N4BP2L2: variants seen among roughly 807,000 people sequenced by gnomAD.
N4BP2L2 encodes the protein NEDD4-binding protein 2-like 2.
A neutral mutation model predicts 56.2 loss-of-function variants in N4BP2L2; 50 were observed. The ratio of observed to expected loss-of-function variants is 0.89; its 90% CI spans 0.71 to 1.13. The LOEUF is 1.13. N4BP2L2 is among the 50% of genes most tolerant of loss of function. The pLI is 0.00. For synonymous variants in N4BP2L2, 203 were observed against 223.6 expected (o/e 0.91, Z 0.82); for missense variants, 689 against 693.8 (o/e 0.99, Z 0.08).
intron 2 of N4BP2L2, among the ~76,000 whole-genome samples, chr13:32,532,016 G>A (rs2054955941): frequency 6.6e-6 from 1 of 152,240 alleles, no homozygotes; most frequent in South Asian, 2.1e-4. Flanking sequence ...ACCCTTCTCT[G>A]ACTAATTCCT....
intron 6 of N4BP2L2, among the ~76,000 whole-genome samples, chr13:32,494,806 A>G (rs2088147245): frequency 6.6e-6 from 1 of 152,032 alleles, no homozygotes; most frequent in Non-Finnish European, 1.5e-5. Context: ...ATTTTTCCAT[A>G]ACTTTCCCAA....
At chr13:32,536,081 C>T in exon 2 of N4BP2L2, 1 of 1,613,746 alleles carries the variant, frequency 6.2e-7, no homozygotes, top group Non-Finnish European at 8.5e-7. Flanking sequence ...TACATAATAT[C>T]CATTTTGTAT....
chr13:32,462,887 A>T (rs9595565), intron 6 of N4BP2L2, among the ~76,000 whole-genome samples: 2,302 of 148,252 alleles, frequency 0.016, 66 homozygotes, highest in African/African-American at 0.054. Context: ...AAAAAAAAAA[A>T]AAAAAATTAG....
chr13:32,452,867 C>G (rs920379746), intron 6 of N4BP2L2, among the ~76,000 whole-genome samples: 1 of 152,080 alleles, frequency 6.6e-6, no homozygotes, highest in Non-Finnish European at 1.5e-5. Flanking sequence ...CAGTTCCATT[C>G]AACATTGTAT....
At position 32,474,549 on chromosome 13, in the gene N4BP2L2, C is replaced by T. The variant is rs560385818; in HGVS notation, c.366-30423G>A. Among the ~76,000 whole-genome samples the T allele has an allele frequency of 4.0e-5, 6 of 150,390 alleles. No individual in the cohort carries two copies. The South Asian group carries it at 1.3e-3, about 31-fold the overall frequency. On this transcript the variant is annotated intron_variant, in intron 6 of 9. Transcript: ENST00000357505. Reference sequence around the variant, plus strand: ...TACTAAAAAAAAAAAAAAAAATTAGCCGGGCATGGTGGCATGTGCTTGTAA... The same window carrying T: ...TACTAAAAAAAAAAAAAAAAATTAGTCGGGCATGGTGGCATGTGCTTGTAA...
chr13:32,444,091 C>A, exon 7 of N4BP2L2: 1 of 1,563,884 alleles, frequency 6.4e-7, no homozygotes, highest in Non-Finnish European at 8.7e-7. Flanking sequence ...TTTGGTTTTG[C>A]TGAGCCTATG....
intron 6 of N4BP2L2, among the ~76,000 whole-genome samples, chr13:32,460,000 A>T (rs2079729999): frequency 6.6e-6 from 1 of 152,352 alleles, no homozygotes; most frequent in Middle Eastern, 3.4e-3. Context: ...ACACGGTTCA[A>T]CATACACAAA....
chr13:32,461,864 T>C (rs748570621), intron 6 of N4BP2L2, among the ~76,000 whole-genome samples: 2 of 152,166 alleles, frequency 1.3e-5, no homozygotes, highest in Non-Finnish European at 2.9e-5. Context: ...GGCCTCCCAA[T>C]GTGCTGCCAT....
intron 6 of N4BP2L2, among the ~76,000 whole-genome samples, chr13:32,486,651 G>C (rs956682840): frequency 6.6e-6 from 1 of 151,534 alleles, no homozygotes; most frequent in African/African-American, 2.4e-5. Flanking sequence ...ACTCCAACCT[G>C]GGCAACAGAG....
At chr13:32,492,346 G>A (rs899898895) in intron 6 of N4BP2L2, among the ~76,000 whole-genome samples, 20 of 138,912 alleles carry the variant, frequency 1.4e-4, no homozygotes, top group Non-Finnish European at 3.0e-5. Context: ...GCGGTGGCGC[G>A]ATCTCTGCTC....
At chr13:32,459,517 G>A (rs554420833) in intron 6 of N4BP2L2, among the ~76,000 whole-genome samples, 4 of 152,100 alleles carry the variant, frequency 2.6e-5, no homozygotes, top group Admixed American at 2.6e-4. Flanking sequence ...TAACAAAGTA[G>A]AAATTCCATA....
chr13:32,460,903 A>G (rs969388962), intron 6 of N4BP2L2, among the ~76,000 whole-genome samples: 28 of 152,206 alleles, frequency 1.8e-4, no homozygotes, highest in Non-Finnish European at 2.6e-4. Flanking sequence ...TGATATTGGT[A>G]TAAAAATAGA....
chr13:32,534,473 C>T (rs1290076570), intron 2 of N4BP2L2, among the ~76,000 whole-genome samples: 2 of 152,122 alleles, frequency 1.3e-5, no homozygotes, highest in African/African-American at 4.8e-5. Context: ...GATGGTATAT[C>T]CCAAATCTAG....
At position 32,520,425 on chromosome 13, in the gene N4BP2L2, A is replaced by G. The variant is rs937073244; in HGVS notation, c.1550+948T>C. ...ATCCCAGCACTCTGGGAGGCCGAGC[A>G]AGGTGGGCAGATCACGAGGTCAGGA... On this transcript the variant is annotated intron_variant, in intron 5 of 5. Transcript: ENST00000267068. Among the ~76,000 whole-genome samples the G allele has an allele frequency of 3.3e-5, 5 of 151,862 alleles. No individual in the cohort carries two copies. In the East Asian group the frequency reaches 7.7e-4, roughly 24 times the overall value.
rs2077858557 is a variant in N4BP2L2 at position 32,450,829 on chromosome 13, T to C, written c.366-6703A>G. On this transcript the variant is annotated intron_variant, in intron 6 of 9. Transcript: ENST00000357505. ...CCTTCCTTTCCTTCCCTTCTTTCCC[T>C]TGTTTCCCTTCCTTCCCTCCCTCCC... Among the ~76,000 whole-genome samples the C allele has an allele frequency of 2.0e-5, 3 of 151,192 alleles. No homozygotes were observed. In the South Asian group the frequency reaches 6.3e-4, roughly 32 times the overall value.
exon 7 of N4BP2L2, chr13:32,444,034 C>A (rs753859124): frequency 1.9e-6 from 3 of 1,606,214 alleles, no homozygotes; most frequent in Middle Eastern, 3.3e-4. Flanking sequence ...CTCCATGATT[C>A]TATTCTGACT....
At chr13:32,529,176 T>C (rs1282339289) in intron 2 of N4BP2L2, among the ~76,000 whole-genome samples, 1 of 152,242 alleles carries the variant, frequency 6.6e-6, no homozygotes, top group Non-Finnish European at 1.5e-5. Flanking sequence ...AATCAACAAA[T>C]ATGGAGGGCC....
chr13:32,486,693 A>G (rs964409367), intron 6 of N4BP2L2, among the ~76,000 whole-genome samples: 6 of 150,728 alleles, frequency 4.0e-5, no homozygotes, highest in Non-Finnish European at 8.9e-5. Flanking sequence ...TAATAATAAT[A>G]ATAACATAAT....
chr13:32,502,325 C>T (rs1164412956), intron 6 of N4BP2L2, among the ~76,000 whole-genome samples: 1 of 152,058 alleles, frequency 6.6e-6, no homozygotes, highest in African/African-American at 2.4e-5. Flanking sequence ...GATCCACCCT[C>T]CTCAACCTCC....
Sources: allele counts gnomAD v4.1 joint callset (sites outside exome capture counted in the v4.1 genomes callset), GRCh38; gene constraint gnomAD v4.1.1; transcripts MANE v1.5; gene names NCBI Gene and HGNC (gene_info 2026-07-23, HGNC 2026-07-21).